SHANK1: variants seen among roughly 807,000 people sequenced by gnomAD.
SHANK1 encodes SH3 and multiple ankyrin repeat domains 1.
A neutral mutation model predicts 165.6 loss-of-function variants in SHANK1; 35 were observed. The ratio of observed to expected loss-of-function variants is 0.21; its 90% CI spans 0.16 to 0.28. The LOEUF is 0.28. Ranked by LOEUF, SHANK1 falls within the 10% of genes least tolerant of loss-of-function variation. The pLI, the probability that SHANK1 is intolerant of heterozygous loss-of-function variation, is 1.00. For synonymous variants in SHANK1, 1,428 were observed against 1,384.8 expected (o/e 1.03, Z -0.69); for missense variants, 2,681 against 3,036.4 (o/e 0.88, Z 2.75).
intron 23 of SHANK1, among the ~76,000 whole-genome samples, chr19:50,664,930 A>AT (rs910035040): frequency 2.6e-5 from 4 of 151,644 alleles, no homozygotes; most frequent in East Asian, 1.9e-4. Context: ...AATTTTTTGT[A>AT]TTTTTTTTAG....
intron 23 of SHANK1, among the ~76,000 whole-genome samples, chr19:50,665,728 C>G (rs1599837978): frequency 1.5e-5 from 1 of 66,414 alleles, no homozygotes; most frequent in Non-Finnish European, 2.9e-5. Context: ...CAGAGTGAGA[C>G]CCTGTTTCTA....
Position 50,686,873 on chromosome 19 carries a change from C to CG in SHANK1, c.2390-62dup, listed in dbSNP as rs945960882. ...CCCCGGGGGCGGGGCGGAGCGGGCT[C>CG]GGCCTGTGGGCGTGGCCAGCAGGTG... On this transcript the variant is annotated intron_variant, in intron 19 of 23. Coordinates refer to ENST00000293441, the MANE Select transcript of SHANK1 (RefSeq NM_016148.5). The surrounding 1 kb of genome is among the most constrained non-coding windows in gnomAD (Gnocchi z 5.7). 2 of 1,596,932 alleles carry CG rather than the reference C, an allele frequency of 1.3e-6. No individual in the cohort carries two copies. Among genetic ancestry groups the CG allele is most frequent in the African/African-American group, 2.7e-5 (2 of 74,330 alleles).
At chr19:50,680,716 C>G (rs537531288) in intron 21 of SHANK1, among the ~76,000 whole-genome samples, 6 of 150,292 alleles carry the variant, frequency 4.0e-5, no homozygotes, top group African/African-American at 1.5e-4. Context: ...AGTGCAGTGG[C>G]GCGATCTTGG....
At chr19:50,687,828 A>G (rs1230810509) in intron 18 of SHANK1, 95 bp downstream of exon 18, 1 of 1,511,634 alleles carries the variant, frequency 6.6e-7, no homozygotes, top group African/African-American at 1.4e-5. Flanking sequence ...GTGCTAGGGA[A>G]GGGAAGGCCT....
Position 50,713,383 on chromosome 19 carries a change from G to A in SHANK1, c.792+415C>T, listed in dbSNP as rs1401787789. 6.6e-6 allele frequency among the ~76,000 whole-genome samples: 1 copy of A among 151,906 alleles called. No homozygotes were observed. Among genetic ancestry groups the A allele is most frequent in the Non-Finnish European group, 1.5e-5 (1 of 67,968 alleles). ...AGGGAGGGGAGCTGGTGCAGTGCTG[G>A]TTTGGAAGGGTAGCTGGGGGGCTGT... On this transcript the variant is annotated intron_variant, in intron 6 of 23. Transcript: ENST00000293441. The surrounding 1 kb of genome is among the most constrained non-coding windows in gnomAD (Gnocchi z 6.2).
Position 50,703,627 on chromosome 19 carries a change from C to G in SHANK1, c.1426G>C (p.Ala476Pro). The change falls in exon 11 of 24, where the codon GCC (alanine) becomes CCC (proline). Residue 476 changes from alanine to proline, a missense_variant. Around this residue, in one of 10 missense-constraint regions of SHANK1, gnomAD observed 195 missense variants for 186.2 expected, o/e 1.05. Transcript: ENST00000293441. ...CCGCTGCTGAGCTTGGTGGTGGGGGCCGAGGGCTGCGACTGGCCCTGGGAC... is the reference window on the plus strand; with the variant it reads ...CCGCTGCTGAGCTTGGTGGTGGGGGGCGAGGGCTGCGACTGGCCCTGGGAC... ...SGSQGQSQPS[A>P]PTTKLSSGTL... is the part of the protein sequence containing the mutation. 6.5e-7 allele frequency: 1 copy of G among 1,548,566 alleles called. No individual in the cohort carries two copies. Among genetic ancestry groups the G allele is most frequent in the South Asian group, 1.2e-5 (1 of 83,870 alleles).
Position 50,686,505 on chromosome 19 carries a change from G to A in SHANK1, c.2459-150C>T. On this transcript the variant is annotated intron_variant, in intron 20 of 23. Transcript: ENST00000293441. This position sits in a 1 kb window ranked among gnomAD's most constrained non-coding sequence, Gnocchi z 5.7. ...GCCCTGCCTGGGTCCGGGTGGACGG[G>A]CAGTCCCGCTTGGAGACACAATCTC... The A allele has an allele frequency of 1.4e-6, 1 of 724,376 alleles. No homozygotes were observed. The highest frequency in any genetic ancestry group is 2.3e-6 in the Non-Finnish European group (1 of 433,370). 44.9% of individuals were successfully genotyped at this position (724,376 alleles called of 1,614,324 possible).
Position 50,701,640 on chromosome 19 carries a change from G to A in SHANK1, c.1747+827C>T, listed in dbSNP as rs530358867. Among the ~76,000 whole-genome samples the A allele has an allele frequency of 2.6e-5, 4 of 152,256 alleles. No individual in the cohort carries two copies. The East Asian group carries it at 7.7e-4, about 29-fold the overall frequency. ...GAAATCACTTGGCTGAGGTCACCCTGCTAGGAAGTGGTGGGGTCTGGATTT... is the reference window on the plus strand; with the variant it reads ...GAAATCACTTGGCTGAGGTCACCCTACTAGGAAGTGGTGGGGTCTGGATTT... On this transcript the variant is annotated intron_variant, in intron 12 of 23. Transcript: ENST00000293441.
At chr19:50,679,859 GAGAC>G (rs987798500) in intron 21 of SHANK1, among the ~76,000 whole-genome samples, 3 of 151,824 alleles carry the variant, frequency 2.0e-5, no homozygotes, top group African/African-American at 4.8e-5. Flanking sequence ...TAGAGAGACA[GAGAC>G]AGACAGACAA....
chr19:50,687,053 A>G, intron 19 of SHANK1: 1 of 1,459,350 alleles, frequency 6.9e-7, no homozygotes, highest in Non-Finnish European at 9.0e-7. Flanking sequence ...AGCCCGGGGG[A>G]GAGGCAGTAG....
chr19:50,713,710 T>A lies in SHANK1; in HGVS notation c.792+88A>T, dbSNP rs890908104. On this transcript the variant is annotated intron_variant, in intron 6 of 23. Coordinates refer to ENST00000293441, the MANE Select transcript of SHANK1 (RefSeq NM_016148.5). The surrounding 1 kb of genome is among the most constrained non-coding windows in gnomAD (Gnocchi z 6.2). ...GGACATGAGAGGGCCTATTTTTAAC[T>A]GAAACCAAAGAACTGAGGTTTGAGA... is the stretch of plus-strand genomic sequence containing the variant. The A allele has an allele frequency of 3.2e-5, 49 of 1,546,560 alleles. No homozygotes were observed. In the Admixed American group the frequency reaches 8.7e-4, roughly 27 times the overall value.
Position 50,697,097 on chromosome 19 carries a change from TC to T in SHANK1, c.1962del (p.Ser655AlafsTer71), listed in dbSNP as rs1568439280. ...APSLMDGIGP[G>X]SDYIIKEKTV... ...CCCTCCCTGCCCCTCGCCTCTCACCTCCCTGGGCCAATCCCATCCATTAAGC... is the reference window on the plus strand; with the variant it reads ...CCCTCCCTGCCCCTCGCCTCTCACCTCCTGGGCCAATCCCATCCATTAAGC... On this transcript the variant is annotated frameshift_variant and splice_region_variant, in exon 15 of 24. Transcript: ENST00000293441. LOFTEE classifies it high-confidence loss of function. The surrounding 1 kb of genome is among the most constrained non-coding windows in gnomAD (Gnocchi z 4.7). The T allele has an allele frequency of 6.3e-7, 1 of 1,593,298 alleles. No individual in the cohort carries two copies. The highest frequency in any genetic ancestry group is 8.5e-7 in the Non-Finnish European group (1 of 1,169,772).
At position 50,662,738 on chromosome 19, in the gene SHANK1, G is replaced by C; in HGVS notation, c.5769-56C>G. ...GACAGGGATTTAGGGGGCAAGGGCA[G>C]GGGTGAGAAAGAGGCAGAGGTCAAG... is the stretch of plus-strand genomic sequence containing the variant. On this transcript the variant is annotated intron_variant, in intron 23 of 23. Coordinates refer to ENST00000293441, the MANE Select transcript of SHANK1 (RefSeq NM_016148.5). This position sits in a 1 kb window ranked among gnomAD's most constrained non-coding sequence, Gnocchi z 7.7. The C allele has an allele frequency of 1.3e-6, 2 of 1,542,272 alleles. No individual in the cohort carries two copies. Among genetic ancestry groups the C allele is most frequent in the Non-Finnish European group, 1.8e-6 (2 of 1,140,064 alleles).
At position 50,713,959 on chromosome 19, in the gene SHANK1, G is replaced by A. The variant is rs1425117641; in HGVS notation, c.641-10C>T. 8.7e-6 allele frequency: 14 copies of A among 1,613,400 alleles called. No individual in the cohort carries two copies. The highest frequency in any genetic ancestry group is 1.7e-4 in the Middle Eastern group (1 of 6,050). On this transcript the variant is annotated splice_polypyrimidine_tract_variant and intron_variant, in intron 5 of 23. Transcript: ENST00000293441. This position sits in a 1 kb window ranked among gnomAD's most constrained non-coding sequence, Gnocchi z 6.2. ...AGTGTCAAGGGGGTCTCTGAAGGGC[G>A]GGAAAAGCTGGTCACATGAAGCCCC...
chr19:50,700,992 C>T (rs1986898113), intron 12 of SHANK1, among the ~76,000 whole-genome samples: 1 of 152,120 alleles, frequency 6.6e-6, no homozygotes, highest in Non-Finnish European at 1.5e-5. Flanking sequence ...CTTATGACCT[C>T]ACCTACAGGA....
intron 8 of SHANK1, among the ~76,000 whole-genome samples, chr19:50,706,003 T>A (rs1446663207): frequency 6.6e-6 from 1 of 151,988 alleles, no homozygotes; most frequent in Non-Finnish European, 1.5e-5. Context: ...CAGAAAATTT[T>A]AAAAAATTAG....
intron 21 of SHANK1, among the ~76,000 whole-genome samples, chr19:50,678,303 CG>C (rs1568431813): frequency 6.6e-6 from 1 of 151,806 alleles, no homozygotes; most frequent in African/African-American, 2.4e-5. Context: ...AGGAAGCACA[CG>C]GGGACTGCTG....
intron 19 of SHANK1, among the ~76,000 whole-genome samples, chr19:50,687,324 G>A (rs1187578749): frequency 6.6e-6 from 1 of 152,000 alleles, no homozygotes; most frequent in African/African-American, 2.4e-5. Context: ...GAGACAGAGA[G>A]ACCCGCAGAG....
intron 12 of SHANK1, among the ~76,000 whole-genome samples, chr19:50,698,789 C>A (rs190213793): frequency 6.6e-6 from 1 of 152,328 alleles, no homozygotes; most frequent in Non-Finnish European, 1.5e-5. Flanking sequence ...TTCCAGAGGG[C>A]ATACTTTCAG....
Sources: gnomAD v4.1 joint callset for allele counts (sites outside exome capture counted in the v4.1 genomes callset) on GRCh38, gnomAD v4.1.1 for gene constraint, gnomAD v4.1.1 regional missense constraint, Gnocchi (gnomAD v3.1) non-coding constraint, MANE v1.5 for transcripts, NCBI Gene and HGNC (gene_info 2026-07-23, HGNC 2026-07-21) for gene names.